CYB5D2: variants seen among roughly 807,000 people sequenced by gnomAD.
The protein encoded by CYB5D2 is cytochrome b5 domain containing 2, also known as neuferricin.
CYB5D2 carries 23 observed loss-of-function variants against 22.8 expected under a neutral mutation model. The observed-to-expected ratio is 1.01, with a 90% CI of 0.73 to 1.43. The LOEUF (loss-of-function observed/expected upper bound fraction) is 1.43. Among genes scored for constraint, CYB5D2 ranks in the 40% most tolerant of loss-of-function variants. The pLI, the probability that CYB5D2 is intolerant of heterozygous loss-of-function variation, is 0.00. For missense variants in CYB5D2, 373 were observed against 357.2 expected (o/e 1.04, Z -0.36); for synonymous variants, 170 against 152.2 (o/e 1.12, Z -0.86).
intron 1 of CYB5D2, among the ~76,000 whole-genome samples, chr17:4,149,672 G>A (rs952205534): frequency 3.3e-5 from 5 of 152,276 alleles, no homozygotes; most frequent in Non-Finnish European, 2.9e-5. Context: ...GGTGGCGGGC[G>A]CCTGTAATCC....
chr17:4,145,639 CA>C (rs571033163), intron 1 of CYB5D2, among the ~76,000 whole-genome samples: 1 of 152,186 alleles, frequency 6.6e-6, no homozygotes, highest in Non-Finnish European at 1.5e-5. Context: ...TACCTTGTGT[CA>C]GGGGCTGTGG....
At chr17:4,144,103 C>G (rs143729771) in intron 1 of CYB5D2, 98 bp downstream of exon 1, 5 of 1,436,046 alleles carry the variant, frequency 3.5e-6, no homozygotes, top group Non-Finnish European at 3.7e-6. Flanking sequence ...TTTCCCCCCC[C>G]ATCCCCACCC....
At chr17:4,145,869 G>C (rs1005560101) in intron 1 of CYB5D2, among the ~76,000 whole-genome samples, 38 of 152,204 alleles carry the variant, frequency 2.5e-4, no homozygotes, top group African/African-American at 9.2e-4. Context: ...CATGATCTTG[G>C]CTCACTGCAA....
intron 1 of CYB5D2, among the ~76,000 whole-genome samples, chr17:4,144,554 C>T (rs949107155): frequency 1.3e-5 from 2 of 152,100 alleles, no homozygotes; most frequent in Non-Finnish European, 2.9e-5. Context: ...GCTTCTAGTA[C>T]AAGATGCACC....
chr17:4,148,813 A>G (rs2059021900), intron 1 of CYB5D2, among the ~76,000 whole-genome samples: 1 of 152,098 alleles, frequency 6.6e-6, no homozygotes, highest in Non-Finnish European at 1.5e-5. Context: ...GACGAGCAAA[A>G]TTCCGTCTCA....
At chr17:4,145,887 C>T (rs1431886284) in intron 1 of CYB5D2, among the ~76,000 whole-genome samples, 3 of 152,190 alleles carry the variant, frequency 2.0e-5, no homozygotes, top group Non-Finnish European at 4.4e-5. Context: ...CAACCTCCGC[C>T]TCCCAAGCTC....
chr17:4,143,545 G>T lies in CYB5D2; in HGVS notation c.-211G>T. 6 of 501,126 alleles carry T rather than the reference G, an allele frequency of 1.2e-5. No individual in the cohort carries two copies. The highest frequency in any genetic ancestry group is 1.6e-5 in the Non-Finnish European group (5 of 304,122). The allele number at this position is 501,126 out of a possible 1,614,324, so 31.0% of individuals were successfully genotyped here. On this transcript the variant is annotated 5_prime_UTR_variant, in exon 1 of 4. Coordinates refer to ENST00000301391, the MANE Select transcript of CYB5D2 (RefSeq NM_144611.4). The stretch of plus-strand genomic sequence containing the variant: ...TCTGTCTCAGAAAAAAAAAAAAAAA[G>T]TACCTGGAAAAAGTCGCAGACAGCG...
At chr17:4,155,052 G>C (rs1197459763) in intron 3 of CYB5D2, among the ~76,000 whole-genome samples, 192 bp downstream of exon 3, 1 of 152,180 alleles carries the variant, frequency 6.6e-6, no homozygotes, top group African/African-American at 2.4e-5. Context: ...CGGATGGTCA[G>C]ACCTCACTCC....
At position 4,144,976 on chromosome 17, in the gene CYB5D2, C is replaced by T. The variant is rs554519355; in HGVS notation, c.250+971C>T. ...TAATTTGTTGAATTTTTAGTAGAGACGGGGTTTCACCATGTTAGCCAGGAT... is the reference window on the plus strand; with the variant it reads ...TAATTTGTTGAATTTTTAGTAGAGATGGGGTTTCACCATGTTAGCCAGGAT... On this transcript the variant is annotated intron_variant, in intron 1 of 3. Coordinates refer to ENST00000301391, the MANE Select transcript of CYB5D2 (RefSeq NM_144611.4). 3.3e-5 allele frequency among the ~76,000 whole-genome samples: 5 copies of T among 152,056 alleles called. No individual in the cohort carries two copies. In the East Asian group the frequency reaches 5.8e-4, roughly 18 times the overall value.
At position 4,143,694 on chromosome 17, in the gene CYB5D2, G is replaced by C. The variant is rs889173947; in HGVS notation, c.-62G>C. ...CGATGACGTCACGCTCGGCGTCTCG[G>C]CCATCTTAGCTGTAGATAGAGGCGG... On this transcript the variant is annotated 5_prime_UTR_variant, in exon 1 of 4. Transcript: ENST00000301391. The C allele has an allele frequency of 4.8e-5, 73 of 1,529,228 alleles. No homozygotes were observed. The highest frequency in any genetic ancestry group is 6.3e-5 in the Admixed American group (3 of 47,444). 94.7% of individuals were successfully genotyped at this position (1,529,228 alleles called of 1,614,324 possible). A position where few individuals can be genotyped will look rare whatever the true frequency, so the allele number is the denominator to read the frequency against.
intron 3 of CYB5D2, 142 bp downstream of exon 3, chr17:4,155,002 T>C: frequency 1.1e-6 from 1 of 932,122 alleles, no homozygotes; most frequent in South Asian, 1.8e-5. Flanking sequence ...ATTCTCAACT[T>C]TGGCTGCATA....
chr17:4,144,855 C>T (rs541199826), intron 1 of CYB5D2, among the ~76,000 whole-genome samples: 4 of 151,920 alleles, frequency 2.6e-5, no homozygotes, highest in African/African-American at 4.8e-5. Context: ...GGCCTGATCT[C>T]GGCTCACTGC....
intron 1 of CYB5D2, among the ~76,000 whole-genome samples, chr17:4,145,469 G>A (rs546405794): frequency 6.6e-6 from 1 of 152,210 alleles, no homozygotes; most frequent in Non-Finnish European, 1.5e-5. Flanking sequence ...TTTTCGTTGC[G>A]CTGCCCTGCT....
At chr17:4,148,479 T>C (rs191045276) in intron 1 of CYB5D2, among the ~76,000 whole-genome samples, 2 of 146,596 alleles carry the variant, frequency 1.4e-5, no homozygotes, top group Admixed American at 1.4e-4. Context: ...ATTGCGCCAT[T>C]GCACTCCAGC....
At chr17:4,151,865 G>C (rs1401175419) in intron 2 of CYB5D2, among the ~76,000 whole-genome samples, 1 of 151,916 alleles carries the variant, frequency 6.6e-6, no homozygotes, top group Non-Finnish European at 1.5e-5. Context: ...AATTAGCTGG[G>C]TGTGGTGGGA....
At chr17:4,153,393 C>G (rs549732024) in intron 2 of CYB5D2, among the ~76,000 whole-genome samples, 1 of 152,144 alleles carries the variant, frequency 6.6e-6, no homozygotes, top group South Asian at 2.1e-4. Context: ...TGGAGCCCCC[C>G]GTGAACGAGG....
rs78613183 is a variant in CYB5D2 at position 4,143,635 on chromosome 17, T to C, written c.-121T>C. On this transcript the variant is annotated 5_prime_UTR_variant, in exon 1 of 4. Transcript: ENST00000301391. Reference sequence around the variant, plus strand: ...AGACTAAGGGAGGGAGCGCGAGCACTAGCGCGCGAGAGAGAGAGCGAGAGC... The same window carrying C: ...AGACTAAGGGAGGGAGCGCGAGCACCAGCGCGCGAGAGAGAGAGCGAGAGC... 0.076 allele frequency: 105,949 copies of C among 1,388,620 alleles called. 4,773 individuals are homozygous for C. The highest frequency in any genetic ancestry group is 0.15 in the South Asian group (10,741 of 71,108). 86.0% of individuals were successfully genotyped at this position (1,388,620 alleles called of 1,614,324 possible).
chr17:4,151,696 GAAAAA>G (rs766300172), intron 2 of CYB5D2, among the ~76,000 whole-genome samples: 43 of 148,874 alleles, frequency 2.9e-4, no homozygotes, highest in African/African-American at 1.0e-3. Flanking sequence ...CAAAAAAAAA[GAAAAA>G]AAAGAAAAAG....
intron 2 of CYB5D2, among the ~76,000 whole-genome samples, chr17:4,153,688 G>A (rs2059082004): frequency 6.6e-6 from 1 of 152,172 alleles, no homozygotes; most frequent in African/African-American, 2.4e-5. Context: ...ATGGAAAGGA[G>A]TGAACAGAAT....
Sources: gnomAD v4.1 joint callset for allele counts (sites outside exome capture counted in the v4.1 genomes callset) on GRCh38, gnomAD v4.1.1 for gene constraint, MANE v1.5 for transcripts, NCBI Gene and HGNC (gene_info 2026-07-23, HGNC 2026-07-21) for gene names.